Variants in EXD2 observed in about 807,000 individuals in gnomAD.
The protein encoded by EXD2 is exonuclease 3'-5' domain containing 2.
Under a neutral mutation model 62.5 loss-of-function variants are expected in EXD2, and 40 were observed. The observed-to-expected ratio is 0.64, with a 90% confidence interval of 0.50 to 0.83. The LOEUF is 0.83. Ranked by LOEUF, EXD2 falls within the 40% of genes least tolerant of loss-of-function variation. EXD2 has a pLI of 0.00. For missense variants in EXD2, 671 were observed against 761.8 expected (o/e 0.88, Z 1.40); for synonymous variants, 239 against 291.9 (o/e 0.82, Z 1.85).
chr14:69,201,170 C>T (rs2042385200), intron 1 of EXD2, among the ~76,000 whole-genome samples: 1 of 151,138 alleles, frequency 6.6e-6, no homozygotes, highest in Non-Finnish European at 1.5e-5. Flanking sequence ...ATGTATAATA[C>T]ATCTTACGTT....
At chr14:69,214,981 A>C (rs887305506) in intron 3 of EXD2, among the ~76,000 whole-genome samples, 14 of 151,906 alleles carry the variant, frequency 9.2e-5, no homozygotes, top group African/African-American at 3.4e-4. Context: ...ATTTATATAT[A>C]TATATAAAAT....
chr14:69,212,644 G>GTAGC (rs1049440125), intron 3 of EXD2, among the ~76,000 whole-genome samples: 1 of 143,976 alleles, frequency 6.9e-6, no homozygotes, highest in Non-Finnish European at 1.5e-5. Flanking sequence ...AGCCTCCCAT[G>GTAGC]TAGCTAGGAC....
chr14:69,200,883 G>A (rs929117704), intron 1 of EXD2, among the ~76,000 whole-genome samples: 6 of 151,958 alleles, frequency 3.9e-5, no homozygotes, highest in African/African-American at 1.2e-4. Flanking sequence ...AGACCAGCCT[G>A]GCCAACATGG....
chr14:69,222,736 G>A (rs1169449056), intron 3 of EXD2, among the ~76,000 whole-genome samples: 9 of 151,960 alleles, frequency 5.9e-5, no homozygotes, highest in Non-Finnish European at 1.2e-4. Flanking sequence ...TCTTAAATTC[G>A]TAAGGAAATG....
chr14:69,235,119 C>T (rs1309676132), intron 6 of EXD2, 88 bp downstream of exon 6: 1 of 1,239,152 alleles, frequency 8.1e-7, no homozygotes, highest in Non-Finnish European at 1.1e-6. Context: ...GGGGAGAAGG[C>T]TTGTAGTAGG....
At chr14:69,198,455 A>G (rs934650574) in intron 1 of EXD2, among the ~76,000 whole-genome samples, 3 of 152,140 alleles carry the variant, frequency 2.0e-5, no homozygotes, top group South Asian at 2.1e-4. Context: ...CATTAGTACC[A>G]TGGTGGTCTC....
At chr14:69,208,505 C>T (rs191838318) in intron 2 of EXD2, among the ~76,000 whole-genome samples, 27 of 152,248 alleles carry the variant, frequency 1.8e-4, no homozygotes, top group East Asian at 1.7e-3. Flanking sequence ...CCACCGCGCC[C>T]GGCCCAGGCC....
intron 1 of EXD2, among the ~76,000 whole-genome samples, chr14:69,195,293 G>C (rs925324992): frequency 6.6e-6 from 1 of 151,584 alleles, no homozygotes; most frequent in African/African-American, 2.4e-5. Context: ...GACCTCCTGG[G>C]CTCGAGTGAT....
At chr14:69,234,640 TG>T (rs2140029727) in intron 5 of EXD2, 59 bp from the exon 6 acceptor site, 2 of 1,401,176 alleles carry the variant, frequency 1.4e-6, no homozygotes, top group East Asian at 4.6e-5. Context: ...TGATTGACTT[TG>T]AAGTTTTTCT....
chr14:69,218,031 A>C (rs2043043849), intron 3 of EXD2, among the ~76,000 whole-genome samples: 1 of 152,168 alleles, frequency 6.6e-6, no homozygotes, highest in South Asian at 2.1e-4. Context: ...ATGATTTATA[A>C]TCCTTTGGGT....
In EXD2 at chr14:69,235,022, A is replaced by C; in HGVS notation, c.1040A>C (p.Tyr347Ser). ...AAAAGAAAGCCTCTGGGGGTGGGCT[A>C]TTCTGCCAGGTAACTGAATCACTCC... ...KHKRKPLGVG[Y>S]SARKSPLYDN... The change falls in exon 6 of 10, where the codon TAT (tyrosine) becomes TCT (serine). Residue 347 changes from tyrosine (Y) to serine (S), a missense_variant. Transcript: ENST00000685843. The C allele has an allele frequency of 1.9e-6, 3 of 1,588,452 alleles. No individual in the cohort carries two copies. The highest frequency in any genetic ancestry group is 3.6e-4 in the Middle Eastern group (2 of 5,614).
intron 1 of EXD2, among the ~76,000 whole-genome samples, chr14:69,202,007 C>T (rs1182642875): frequency 6.6e-6 from 1 of 152,036 alleles, no homozygotes; most frequent in African/African-American, 2.4e-5. Flanking sequence ...AATACCCCAA[C>T]TCGGCCAGGT....
intron 3 of EXD2, among the ~76,000 whole-genome samples, chr14:69,212,839 G>A (rs2042857229): frequency 2.0e-5 from 3 of 150,294 alleles, no homozygotes; most frequent in African/African-American, 4.9e-5. Context: ...CTCCTGAGTA[G>A]CTGGAACTAC....
At chr14:69,229,210 T>G (rs189790477) in intron 4 of EXD2, 138 bp downstream of exon 4, 108 of 1,182,792 alleles carry the variant, frequency 9.1e-5, no homozygotes, top group East Asian at 4.1e-4. Context: ...CATATTGAAT[T>G]TGTAAGGAGA....
intron 3 of EXD2, among the ~76,000 whole-genome samples, chr14:69,228,344 A>G (rs1283577549): frequency 6.6e-6 from 1 of 152,038 alleles, no homozygotes; most frequent in African/African-American, 2.4e-5. Flanking sequence ...GGCACATGCC[A>G]CCATGCCCAG....
chr14:69,200,379 C>T (rs968659469), intron 1 of EXD2, among the ~76,000 whole-genome samples: 4 of 152,064 alleles, frequency 2.6e-5, no homozygotes, highest in Admixed American at 1.3e-4. Flanking sequence ...TGTGAATGTA[C>T]TTATTGTCAT....
At chr14:69,216,739 A>T (rs8008401) in intron 3 of EXD2, among the ~76,000 whole-genome samples, 1 of 152,054 alleles carries the variant, frequency 6.6e-6, no homozygotes, top group South Asian at 2.1e-4. Context: ...ACATGAAATT[A>T]TATATATTAT....
intron 3 of EXD2, among the ~76,000 whole-genome samples, chr14:69,226,167 C>A (rs2043354526): frequency 6.6e-6 from 1 of 152,052 alleles, no homozygotes; most frequent in Non-Finnish European, 1.5e-5. Context: ...ATAGCTTTTT[C>A]TTGGAGAAAG....
At chr14:69,238,384 G>A (rs1456107999) in intron 9 of EXD2, among the ~76,000 whole-genome samples, 2 of 151,992 alleles carry the variant, frequency 1.3e-5, no homozygotes, top group African/African-American at 4.8e-5. Flanking sequence ...GACCTCCCTT[G>A]GATACTAAAA....
Sources: gnomAD v4.1 joint callset for allele counts (sites outside exome capture counted in the v4.1 genomes callset) on GRCh38, gnomAD v4.1.1 for gene constraint, MANE v1.5 for transcripts, NCBI Gene and HGNC (gene_info 2026-07-23, HGNC 2026-07-21) for gene names.